Variants in DCDC2 observed in about 807,000 individuals in gnomAD.
The protein encoded by DCDC2 is doublecortin domain-containing protein 2.
Under a neutral mutation model 50.2 loss-of-function variants are expected in DCDC2, and 40 were observed. The observed-to-expected ratio is 0.80, with a 90% confidence interval of 0.62 to 1.04. The LOEUF is 1.04. DCDC2 is among the 50% of genes least tolerant of loss of function. The pLI is 0.00. For synonymous variants in DCDC2, 234 were observed against 210.6 expected (o/e 1.11, Z -0.96); for missense variants, 570 against 581.9 (o/e 0.98, Z 0.21).
At chr6:24,291,481 T>C (rs912721154) in intron 4 of DCDC2, among the ~76,000 whole-genome samples, 1 of 87,276 alleles carries the variant, frequency 1.1e-5, no homozygotes, top group Non-Finnish European at 2.3e-5. Flanking sequence ...TTAATACTTT[T>C]TTTTTTTTTT....
At chr6:24,294,922 A>G (rs184056127) in intron 4 of DCDC2, among the ~76,000 whole-genome samples, 30 of 152,272 alleles carry the variant, frequency 2.0e-4, no homozygotes, top group Admixed American at 1.2e-3. Flanking sequence ...TAGTGAAACT[A>G]TTCCAAAAAA....
intron 7 of DCDC2, among the ~76,000 whole-genome samples, chr6:24,275,962 T>C (rs1763343925): frequency 6.9e-6 from 1 of 145,918 alleles, no homozygotes; most frequent in Non-Finnish European, 1.5e-5. Context: ...CTCAGCCGCC[T>C]GGGCTCAAGT....
chr6:24,313,995 G>A lies in DCDC2; in HGVS notation c.349-11951C>T, dbSNP rs2185599. On this transcript the variant is annotated intron_variant, in intron 2 of 9. Coordinates refer to ENST00000378454, the MANE Select transcript of DCDC2 (RefSeq NM_016356.5). Reference sequence around the variant, plus strand: ...GGAGTCAGCTCCTAGCCCTAGAAGCGCAGCTCCTCACTGAGTTTCCGGAGG... The same window carrying A: ...GGAGTCAGCTCCTAGCCCTAGAAGCACAGCTCCTCACTGAGTTTCCGGAGG... Among the ~76,000 whole-genome samples, 30 of 151,976 alleles carry A rather than the reference G, an allele frequency of 2.0e-4. 1 individual carries two copies. The highest frequency in any genetic ancestry group is 6.3e-4 in the African/African-American group (26 of 41,446).
At chr6:24,234,023 C>T (rs1446403033) in intron 7 of DCDC2, among the ~76,000 whole-genome samples, 1 of 152,076 alleles carries the variant, frequency 6.6e-6, no homozygotes, top group East Asian at 1.9e-4. Context: ...GAGAGATGCA[C>T]ATAAAATGCA....
chr6:24,246,604 A>G (rs7753917), intron 7 of DCDC2, among the ~76,000 whole-genome samples: 6,031 of 145,056 alleles, frequency 0.042, 261 homozygotes, highest in African/African-American at 0.12. Flanking sequence ...CTCCTGCCTC[A>G]GCCTCCGGAG....
At chr6:24,348,535 C>T (rs1213962949) in intron 2 of DCDC2, among the ~76,000 whole-genome samples, 1 of 152,110 alleles carries the variant, frequency 6.6e-6, no homozygotes, top group Non-Finnish European at 1.5e-5. Context: ...AATAGCAAAG[C>T]GACCTTTTCC....
At chr6:24,304,828 C>T (rs768757868) in intron 2 of DCDC2, among the ~76,000 whole-genome samples, 2 of 152,024 alleles carry the variant, frequency 1.3e-5, no homozygotes, top group African/African-American at 2.4e-5. Context: ...CTTTTAGAGA[C>T]AGGGTGTTGC....
chr6:24,328,832 C>A (rs894261859), intron 2 of DCDC2, among the ~76,000 whole-genome samples: 1 of 152,152 alleles, frequency 6.6e-6, no homozygotes. Context: ...CGCATATCTA[C>A]GCTTGCTGGA....
chr6:24,290,980 G>A lies in DCDC2; in HGVS notation c.656C>T (p.Pro219Leu), dbSNP rs768246538. The A allele has an allele frequency of 5.6e-6, 9 of 1,613,838 alleles. No homozygotes were observed. The highest frequency in any genetic ancestry group is 7.6e-6 in the Non-Finnish European group (9 of 1,179,964). The change falls in exon 5 of 10, where the codon CCT becomes CTT. Residue 219 changes from proline to leucine, a missense_variant. Transcript: ENST00000378454. ...AVGRDKFKKL[P>L]YSELLFDKST... is the part of the protein sequence containing the mutation. The stretch of plus-strand genomic sequence containing the variant: ...CTTGTCAAAAAGTAACTCACTGTAA[G>A]GCAGTTTCTTAAACTTATCTCTGCC...
In DCDC2 at chr6:24,323,595, T is replaced by C. The variant is rs149758939; in HGVS notation, c.349-21551A>G. ...TTCAAAATGAAAAGTTCAATGAATA[T>C]AATGCTTAATAGACCTTAATGCAAA... On this transcript the variant is annotated intron_variant, in intron 2 of 9. Coordinates refer to ENST00000378454, the MANE Select transcript of DCDC2 (RefSeq NM_016356.5). Among the ~76,000 whole-genome samples, 669 of 152,312 alleles carry C rather than the reference T, an allele frequency of 4.4e-3. 7 individuals are homozygous for C. The highest frequency in any genetic ancestry group is 0.013 in the African/African-American group (549 of 41,556).
chr6:24,313,497 A>G (rs1759608989), intron 2 of DCDC2, among the ~76,000 whole-genome samples: 1 of 152,252 alleles, frequency 6.6e-6, no homozygotes. Context: ...TTATTTTCCC[A>G]AATGGGATTT....
At position 24,190,809 on chromosome 6, in the gene DCDC2, T is replaced by C. The variant is rs140072346; in HGVS notation, c.1024-12177A>G. Among the ~76,000 whole-genome samples the C allele has an allele frequency of 6.3e-4, 96 of 152,334 alleles. 1 individual carries two copies. The highest frequency in any genetic ancestry group is 1.5e-3 in the East Asian group (8 of 5,186). On this transcript the variant is annotated intron_variant, in intron 8 of 9. Transcript: ENST00000378454. ...ATGTGAATATGATTCAATAAGAGTA[T>C]ATGACTTGAAAATAATGATAAATAT...
chr6:24,358,967 A>ATATATTT (rs1561788691), upstream of DCDC2, among the ~76,000 whole-genome samples: 15 of 69,378 alleles, frequency 2.2e-4, no homozygotes, highest in African/African-American at 9.7e-4. Flanking sequence ...ATTATATATT[A>ATATATTT]TATATTTTAT....
chr6:24,202,195 G>A (rs1434675419), intron 8 of DCDC2, among the ~76,000 whole-genome samples: 1 of 151,958 alleles, frequency 6.6e-6, no homozygotes, highest in African/African-American at 2.4e-5. Context: ...AACATTTCAG[G>A]CCAATATACC....
chr6:24,207,434 T>C (rs1322233018), intron 7 of DCDC2, among the ~76,000 whole-genome samples: 1 of 152,228 alleles, frequency 6.6e-6, no homozygotes, highest in Non-Finnish European at 1.5e-5. Flanking sequence ...AATAGCTGCA[T>C]GTTGCAGTAC....
chr6:24,317,065 A>G (rs1246806145), intron 2 of DCDC2, among the ~76,000 whole-genome samples: 2 of 151,980 alleles, frequency 1.3e-5, no homozygotes, highest in Non-Finnish European at 2.9e-5. Context: ...AAAACACTAC[A>G]TATATGCACA....
intron 6 of DCDC2, among the ~76,000 whole-genome samples, chr6:24,287,326 C>T (rs897438724): frequency 1.3e-5 from 2 of 150,866 alleles, no homozygotes; most frequent in Non-Finnish European, 2.9e-5. Context: ...CAGTAGGAGC[C>T]TTTGTTTGTA....
chr6:24,241,736 A>C (rs1762566577), intron 7 of DCDC2, among the ~76,000 whole-genome samples: 2 of 152,208 alleles, frequency 1.3e-5, no homozygotes, highest in Non-Finnish European at 2.9e-5. Context: ...CCTTCCCCAA[A>C]GTCCTTCAAA....
At chr6:24,255,404 A>T (rs1367340994) in intron 7 of DCDC2, among the ~76,000 whole-genome samples, 1 of 152,114 alleles carries the variant, frequency 6.6e-6, no homozygotes, top group Non-Finnish European at 1.5e-5. Context: ...TTCCAGAAGA[A>T]AACATAGGAA....
Sources: allele counts gnomAD v4.1 joint callset (sites outside exome capture counted in the v4.1 genomes callset), GRCh38; gene constraint gnomAD v4.1.1; transcripts MANE v1.5; gene names NCBI Gene and HGNC (gene_info 2026-07-23, HGNC 2026-07-21).